Variants in SYTL2 observed in about 807,000 individuals in gnomAD.
SYTL2 encodes synaptotagmin-like protein 2.
Under a neutral mutation model 198.7 loss-of-function variants are expected in SYTL2, and 165 were observed. The observed-to-expected ratio is 0.83, with a 90% CI of 0.73 to 0.94. The LOEUF (loss-of-function observed/expected upper bound fraction) is 0.94. SYTL2 is among the 40% of genes least tolerant of loss of function. The pLI is 0.00. For missense variants in SYTL2, 2,835 were observed against 2,582.8 expected (o/e 1.10, Z -2.12); for synonymous variants, 966 against 917.7 (o/e 1.05, Z -0.95).
chr11:85,847,894 T>G, the SYTL2 span, among the ~76,000 whole-genome samples: 1 of 152,100 alleles, frequency 6.6e-6, no homozygotes, highest in African/African-American at 2.4e-5. Context: ...ATTGCAAACG[T>G]TTTCTTCCAG....
rs1393887816 is a variant in SYTL2, at chr11:85,727,639, T to C, written c.1719A>G (p.Ser573=). 2.0e-6 allele frequency: 3 copies of C among 1,536,294 alleles called. No individual in the cohort carries two copies. The highest frequency in any genetic ancestry group is 2.6e-6 in the Non-Finnish European group (3 of 1,146,850). Residue 573 remains serine, a synonymous_variant, in exon 8 of 20, where the codon TCA becomes TCG. Transcript: ENST00000359152. ...CAATTTTGCTGGGTGATAGGGTCTTTGAGCCATTTTCTCTTAAAGTAGTGT... is the reference window on the plus strand; with the variant it reads ...CAATTTTGCTGGGTGATAGGGTCTTCGAGCCATTTTCTCTTAAAGTAGTGT... ...TDDTTLRENG[S]KTLSPSKIEL... is the part of the protein sequence containing the mutation.
intron 1 of SYTL2, among the ~76,000 whole-genome samples, chr11:85,810,266 G>C (rs1360866527): frequency 1.3e-5 from 2 of 152,120 alleles, no homozygotes; most frequent in Admixed American, 1.3e-4. Context: ...GCAGGAAGTG[G>C]AGCCCCTCAA....
At position 85,711,077 on chromosome 11, in the gene SYTL2, C is replaced by T. The variant is rs1480836173; in HGVS notation, c.5745+36G>A. On this transcript the variant is annotated intron_variant, in intron 13 of 19. Transcript: ENST00000359152. ...CATGTCAGAGCAAGGTTCAGAGACG[C>T]GGAGAGATATTAATATGGAGCCTTT... The T allele has an allele frequency of 6.8e-6, 11 of 1,609,170 alleles. 1 individual carries two copies. Among genetic ancestry groups the T allele is most frequent in the East Asian group, 4.5e-5 (2 of 44,710 alleles).
At chr11:85,736,450 G>T in intron 6 of SYTL2, 51 bp downstream of exon 6, 1 of 944,850 alleles carries the variant, frequency 1.1e-6, no homozygotes, top group Middle Eastern at 2.8e-4. Context: ...ATTTCCCTTA[G>T]TCCACAGATA....
the SYTL2 span, among the ~76,000 whole-genome samples, chr11:85,851,083 G>A: frequency 5.3e-5 from 8 of 151,286 alleles, no homozygotes; most frequent in South Asian, 2.1e-4. Context: ...GCTAGATGAC[G>A]AGTTAGTGGG....
At position 85,727,736 on chromosome 11, in the gene SYTL2, T is replaced by C; in HGVS notation, c.1622A>G (p.His541Arg). 1.9e-6 allele frequency: 3 copies of C among 1,553,126 alleles called. No homozygotes were observed. Among genetic ancestry groups the C allele is most frequent in the Non-Finnish European group, 2.6e-6 (3 of 1,148,184 alleles). ...YSDDNKSFLQ[H>R]PRGIESKEKT... The stretch of plus-strand genomic sequence containing the variant: ...TTCTTTGGACTCTATTCCTCGGGGA[T>C]GTTGGAGGAATGACTTATTGTCATC... The change falls in exon 8 of 20, where the codon CAT becomes CGT. Residue 541 changes from histidine (H) to arginine (R), a missense_variant. By Grantham distance (29) the His-to-Arg change is conservative. Transcript: ENST00000359152.
the SYTL2 span, among the ~76,000 whole-genome samples, chr11:85,819,202 T>G: frequency 6.6e-6 from 1 of 152,176 alleles, no homozygotes. Context: ...CTTACTTGTT[T>G]GCAAAAAAAT....
At chr11:85,787,820 G>C (rs1476044913) in intron 1 of SYTL2, among the ~76,000 whole-genome samples, 1 of 151,182 alleles carries the variant, frequency 6.6e-6, no homozygotes, top group Non-Finnish European at 1.5e-5. Flanking sequence ...TGGGCTAGAG[G>C]TATGGAAAGG....
intron 16 of SYTL2, among the ~76,000 whole-genome samples, chr11:85,703,807 G>C (rs2084705411): frequency 1.3e-5 from 2 of 152,034 alleles, no homozygotes; most frequent in African/African-American, 4.8e-5. Flanking sequence ...TGAGAGAATG[G>C]GTAAATGGAG....
intron 2 of SYTL2, among the ~76,000 whole-genome samples, chr11:85,748,763 C>T (rs112325714): frequency 1.9e-4 from 29 of 152,320 alleles, no homozygotes; most frequent in African/African-American, 6.3e-4. Flanking sequence ...CTTCCCTAAG[C>T]CTTGGTTTCC....
chr11:85,730,597 A>G (rs190780939), intron 7 of SYTL2, among the ~76,000 whole-genome samples: 1 of 152,328 alleles, frequency 6.6e-6, no homozygotes, highest in East Asian at 1.9e-4. Flanking sequence ...CGTATCTCAA[A>G]ATAATAAAAG....
chr11:85,804,314 C>T (rs2092929402), intron 1 of SYTL2, among the ~76,000 whole-genome samples: 1 of 152,174 alleles, frequency 6.6e-6, no homozygotes, highest in Admixed American at 6.5e-5. Context: ...CAGTTTGCAG[C>T]TTCGTACGTA....
At chr11:85,751,049 A>G (rs2091481167) in intron 2 of SYTL2, among the ~76,000 whole-genome samples, 1 of 152,156 alleles carries the variant, frequency 6.6e-6, no homozygotes, top group Non-Finnish European at 1.5e-5. Context: ...CACAATGAGC[A>G]CAGGTTTTGC....
intron 16 of SYTL2, 96 bp from the exon 17 acceptor site, chr11:85,700,689 GGGA>G (rs1421104127): frequency 3.3e-6 from 3 of 897,784 alleles, no homozygotes; most frequent in African/African-American, 1.6e-5. Flanking sequence ...TCCCATTTCT[GGGA>G]CCATGTGTCA....
chr11:85,772,021 G>A (rs1453429637), intron 1 of SYTL2, among the ~76,000 whole-genome samples: 1 of 152,100 alleles, frequency 6.6e-6, no homozygotes, highest in African/African-American at 2.4e-5. Context: ...TCCCATCTCA[G>A]CCTCCTAAAC....
At chr11:85,847,402 C>G in the SYTL2 span, among the ~76,000 whole-genome samples, 12 of 151,312 alleles carry the variant, frequency 7.9e-5, no homozygotes, top group Non-Finnish European at 1.6e-4. Flanking sequence ...TTTTTCATTC[C>G]TAAGTGCTGG....
At chr11:85,762,381 G>A (rs539771946) in intron 1 of SYTL2, among the ~76,000 whole-genome samples, 1 of 152,122 alleles carries the variant, frequency 6.6e-6, no homozygotes, top group African/African-American at 2.4e-5. Flanking sequence ...GGAACTCCTG[G>A]GGCAAGTTCT....
rs138825711 is a variant in SYTL2 at position 85,696,194 on chromosome 11, C to T, written c.6563G>A (p.Gly2188Asp). The T allele has an allele frequency of 1.2e-5, 19 of 1,613,940 alleles. No homozygotes were observed. The highest frequency in any genetic ancestry group is 1.7e-6 in the Non-Finnish European group (2 of 1,179,954). Residue 2188 changes from glycine to aspartate, a missense_variant, in exon 19 of 20, where the codon GGC becomes GAC. Around this residue, in one of 3 missense-constraint regions of SYTL2, gnomAD observed 185 missense variants for 182.1 expected, o/e 1.02. Transcript: ENST00000359152. The stretch of plus-strand genomic sequence containing the variant: ...GTAGCAAACAGTACCTGTTCCAAAG[C>T]CAATACGAAGACCTCCCAAAAATTG... ...TNQFLGGLRI[G>D]FGTGKSYGTE...
the SYTL2 span, among the ~76,000 whole-genome samples, chr11:85,828,332 T>A: frequency 1.3e-5 from 2 of 152,254 alleles, no homozygotes; most frequent in African/African-American, 4.8e-5. Flanking sequence ...ATTATTAGTA[T>A]GTAGGCAGTA....
Sources: gnomAD v4.1 joint callset for allele counts (sites outside exome capture counted in the v4.1 genomes callset) on GRCh38, gnomAD v4.1.1 for gene constraint, gnomAD v4.1.1 regional missense constraint, MANE v1.5 for transcripts, NCBI Gene and HGNC (gene_info 2026-07-23, HGNC 2026-07-21) for gene names.